Variants in DAB1 observed in about 807,000 individuals in gnomAD.
DAB1 encodes the protein DAB adaptor protein 1.
In DAB1, 15 loss-of-function variants were observed where a neutral mutation model predicts 64.6. The ratio of observed to expected loss-of-function variants is 0.23; its 90% CI spans 0.16 to 0.36. The LOEUF is 0.36. DAB1 is among the 10% of genes least tolerant of loss of function. The pLI, the probability that DAB1 is intolerant of heterozygous loss-of-function variation, is 1.00. For missense variants in DAB1, 596 were observed against 706.7 expected (o/e 0.84, Z 1.78); for synonymous variants, 235 against 251.9 (o/e 0.93, Z 0.64).
rs1491409840 is a variant in DAB1 at position 58,528,342 on chromosome 1, G to GT, written n.33-1008dup. On this transcript the variant is annotated intron_variant and non_coding_transcript_variant, in intron 1 of 20. Coordinates refer to the DAB1 transcript ENST00000485760. Reference sequence around the variant, plus strand: ...TTGTTTAACCCTGCTAAACCCAGTAGTATCATATGTAAAATGAAGCTAGTA... The same window carrying GT: ...TTGTTTAACCCTGCTAAACCCAGTAGTTATCATATGTAAAATGAAGCTAGTA... Among the ~76,000 whole-genome samples the GT allele has an allele frequency of 1.3e-4, 20 of 152,154 alleles. 1 individual carries two copies. Among genetic ancestry groups the GT allele is most frequent in the East Asian group, 1.9e-4 (1 of 5,188 alleles).
chr1:57,365,970 G>A (rs1679964751), intron 1 of DAB1, among the ~76,000 whole-genome samples: 1 of 152,196 alleles, frequency 6.6e-6, no homozygotes, highest in Non-Finnish European at 1.5e-5. Flanking sequence ...TCTGGTTTGT[G>A]TGAGGTTGAG....
intron 7 of DAB1, among the ~76,000 whole-genome samples, chr1:57,595,626 TC>T (rs201677742): frequency 1.2e-4 from 18 of 151,102 alleles, no homozygotes; most frequent in Middle Eastern, 6.8e-3. Flanking sequence ...AGATCTGTGT[TC>T]CCCCCCCACC....
At chr1:57,413,145 A>C (rs4120436) in intron 1 of DAB1, among the ~76,000 whole-genome samples, 6,289 of 152,276 alleles carry the variant, frequency 0.041, 419 homozygotes, top group African/African-American at 0.14. Context: ...ACCATGGTTT[A>C]CTGAGTATTT....
chr1:57,902,381 T>C (rs1644489202), intron 5 of DAB1, among the ~76,000 whole-genome samples: 1 of 152,146 alleles, frequency 6.6e-6, no homozygotes, highest in Non-Finnish European at 1.5e-5. Flanking sequence ...TTTGCCTGTA[T>C]CTTCTAAGAA....
intron 5 of DAB1, among the ~76,000 whole-genome samples, chr1:58,025,513 C>A (rs1646876045): frequency 6.6e-6 from 1 of 150,466 alleles, no homozygotes; most frequent in African/African-American, 2.4e-5. Flanking sequence ...TTTCTCTTGT[C>A]TCCTATTAAA....
At chr1:58,155,476 A>T (rs549407152) in intron 4 of DAB1, among the ~76,000 whole-genome samples, 14 of 152,286 alleles carry the variant, frequency 9.2e-5, no homozygotes, top group African/African-American at 3.4e-4. Context: ...ACTGTGAAAA[A>T]CGGGAAGCAA....
At chr1:57,095,578 A>G (rs72672631) in intron 4 of DAB1, among the ~76,000 whole-genome samples, 2 of 152,318 alleles carry the variant, frequency 1.3e-5, no homozygotes, top group Non-Finnish European at 2.9e-5. Flanking sequence ...GGCATCATAT[A>G]TATGAAGTGT....
intron 2 of DAB1, among the ~76,000 whole-genome samples, chr1:57,150,337 A>C (rs1208180995): frequency 6.6e-6 from 1 of 152,198 alleles, no homozygotes; most frequent in East Asian, 1.9e-4. Context: ...TTGTACTGAC[A>C]CTGTTGTTAC....
chr1:58,233,418 C>T (rs903751706), intron 4 of DAB1, among the ~76,000 whole-genome samples: 1 of 152,074 alleles, frequency 6.6e-6, no homozygotes, highest in African/African-American at 2.4e-5. Flanking sequence ...TCTGCTTGCT[C>T]CCCAGGGCCC....
intron 3 of DAB1, among the ~76,000 whole-genome samples, chr1:58,430,106 T>C (rs149038613): frequency 3.6e-4 from 55 of 152,304 alleles, no homozygotes; most frequent in African/African-American, 1.2e-3. Flanking sequence ...CATCTCCTAA[T>C]ACTATCACTT....
intron 2 of DAB1, among the ~76,000 whole-genome samples, chr1:57,155,481 GT>G (rs914065843): frequency 1.0e-4 from 15 of 150,554 alleles, no homozygotes; most frequent in African/African-American, 3.7e-4. Context: ...TTTTGTTTTT[GT>G]TTTTGTTTTT....
At chr1:57,343,043 C>T (rs1677754604) in intron 1 of DAB1, among the ~76,000 whole-genome samples, 1 of 133,782 alleles carries the variant, frequency 7.5e-6, no homozygotes, top group African/African-American at 2.8e-5. Context: ...CTTATCTGGC[C>T]CCACCCACAT....
chr1:58,487,118 C>T (rs1448170439), intron 3 of DAB1, among the ~76,000 whole-genome samples: 1 of 152,160 alleles, frequency 6.6e-6, no homozygotes, highest in Non-Finnish European at 1.5e-5. Context: ...AAAGTGACAA[C>T]AGGAAATGAC....
chr1:58,008,069 T>C (rs187988895), intron 5 of DAB1, among the ~76,000 whole-genome samples: 1 of 152,318 alleles, frequency 6.6e-6, no homozygotes, highest in African/African-American at 2.4e-5. Flanking sequence ...ATGCATGGAA[T>C]ACCTACTATT....
At chr1:58,527,577 T>C (rs1646372279) in intron 1 of DAB1, among the ~76,000 whole-genome samples, 1 of 152,188 alleles carries the variant, frequency 6.6e-6, no homozygotes. Context: ...TGACAGTCTG[T>C]AGTATAAGGA....
intron 5 of DAB1, among the ~76,000 whole-genome samples, chr1:58,054,367 G>C (rs769378317): frequency 6.6e-6 from 1 of 152,040 alleles, no homozygotes; most frequent in Admixed American, 6.6e-5. Flanking sequence ...ATTCATTTTT[G>C]GTCCAGGTTT....
intron 7 of DAB1, among the ~76,000 whole-genome samples, chr1:57,638,104 A>G (rs1264762738): frequency 6.6e-6 from 1 of 152,224 alleles, no homozygotes; most frequent in Non-Finnish European, 1.5e-5. Flanking sequence ...ACTAGAAAAA[A>G]TAAATATACC....
intron 4 of DAB1, among the ~76,000 whole-genome samples, chr1:57,128,164 TAAATAA>T (rs1657323276): frequency 1.1e-5 from 1 of 90,868 alleles, no homozygotes; most frequent in East Asian, 2.9e-4. Context: ...AATAAATAAA[TAAATAA>T]ATAAATAAAT....
At chr1:57,057,551 C>A (rs570686027) in intron 9 of DAB1, among the ~76,000 whole-genome samples, 85 of 151,984 alleles carry the variant, frequency 5.6e-4, no homozygotes, top group Non-Finnish European at 1.1e-3. Flanking sequence ...CTTTCTCCAG[C>A]CTTCTGTGAC....
Sources: gnomAD v4.1 joint callset for allele counts (sites outside exome capture counted in the v4.1 genomes callset) on GRCh38, gnomAD v4.1.1 for gene constraint, MANE v1.5 for transcripts, NCBI Gene and HGNC (gene_info 2026-07-23, HGNC 2026-07-21) for gene names.